Variants in MFHAS1 observed in about 807,000 individuals in gnomAD.
The protein encoded by MFHAS1 is malignant fibrous histiocytoma-amplified sequence 1.
A neutral mutation model predicts 70.4 loss-of-function variants in MFHAS1; 50 were observed. That is an observed-to-expected ratio of 0.71 (90% CI 0.57 to 0.90). The LOEUF (loss-of-function observed/expected upper bound fraction) is 0.90, where lower values mean the gene tolerates loss of function less well. MFHAS1 is among the 40% of genes least tolerant of loss of function. The pLI is 0.00. For synonymous variants in MFHAS1, 952 were observed against 620.0 expected, an observed-to-expected ratio of 1.54 and a Z score of -7.96; for missense variants, 1,795 against 1,347.6, an observed-to-expected ratio of 1.33 and a Z score of -5.20.
rs200845989 is a variant in MFHAS1, at chr8:8,872,025, AAG to A, written c.2998+18034_2998+18035del. Among the ~76,000 whole-genome samples, 1,177 of 152,346 alleles carry A rather than the reference AAG, an allele frequency of 7.7e-3. 20 individuals carry two copies. The highest frequency in any genetic ancestry group is 0.027 in the African/African-American group (1,128 of 41,572). On this transcript the variant is annotated intron_variant, in intron 1 of 2. Transcript: ENST00000276282. ...GAGCTAAATCAAAGGAGGGAGAAGG[AAG>A]GAAGAGGAGGCTAAGGCAAAAAGTT...
At chr8:8,787,182 G>A (rs1805577156) in intron 2 of MFHAS1, among the ~76,000 whole-genome samples, 2 of 151,650 alleles carry the variant, frequency 1.3e-5, no homozygotes, top group Admixed American at 6.6e-5. Flanking sequence ...CTGGGTTCAT[G>A]CCATTCTCCT....
chr8:8,836,102 G>C (rs558055800), intron 1 of MFHAS1, among the ~76,000 whole-genome samples: 1 of 152,328 alleles, frequency 6.6e-6, no homozygotes, highest in East Asian at 1.9e-4. Flanking sequence ...AACCATGCAA[G>C]ACAGAGAGGA....
At chr8:8,846,151 G>A (rs868052538) in intron 1 of MFHAS1, among the ~76,000 whole-genome samples, 19 of 151,060 alleles carry the variant, frequency 1.3e-4, no homozygotes, top group African/African-American at 4.6e-4. Flanking sequence ...TACTCAGGAA[G>A]CTGAGGCAGG....
intron 1 of MFHAS1, among the ~76,000 whole-genome samples, chr8:8,883,209 G>A (rs1015780519): frequency 3.9e-5 from 6 of 152,102 alleles, no homozygotes; most frequent in Non-Finnish European, 7.4e-5. Flanking sequence ...ACTGAGACCT[G>A]AGCCTACCTG....
At chr8:8,808,098 G>A (rs1441852565) in intron 1 of MFHAS1, among the ~76,000 whole-genome samples, 1 of 152,018 alleles carries the variant, frequency 6.6e-6, no homozygotes, top group African/African-American at 2.4e-5. Context: ...GAAATCTCCT[G>A]TGTCCACTGT....
intron 1 of MFHAS1, among the ~76,000 whole-genome samples, chr8:8,800,569 G>C (rs1486035771): frequency 6.6e-6 from 1 of 152,102 alleles, no homozygotes; most frequent in Non-Finnish European, 1.5e-5. Context: ...ACAGGGGCCA[G>C]GACTCCAACG....
intron 1 of MFHAS1, among the ~76,000 whole-genome samples, chr8:8,863,791 G>A (rs1250932531): frequency 6.6e-6 from 1 of 152,180 alleles, no homozygotes; most frequent in East Asian, 1.9e-4. Flanking sequence ...AGTTTCTAAT[G>A]AGCTTAGAAA....
intron 1 of MFHAS1, among the ~76,000 whole-genome samples, chr8:8,884,962 A>C (rs61628023): frequency 0.014 from 2,098 of 145,250 alleles, 23 homozygotes; most frequent in East Asian, 0.028. Context: ...CCACCCCCCC[A>C]AAAAAAAAGT....
chr8:8,890,915 T>TA lies in MFHAS1; in HGVS notation c.2143dup (p.Tyr715LeufsTer3). 6.2e-7 allele frequency: 1 copy of TA among 1,614,102 alleles called. No homozygotes were observed. Among genetic ancestry groups the TA allele is most frequent in the Non-Finnish European group, 8.5e-7 (1 of 1,180,026 alleles). ...CTTGAGAGCCGGACTGTCCTCAAAG[T>TA]AGAGTAGCTTGCCGCTCTCATGCAG... On this transcript the variant is annotated frameshift_variant, in exon 1 of 3. Coordinates refer to ENST00000276282, the MANE Select transcript of MFHAS1 (RefSeq NM_004225.3). LOFTEE classifies it high-confidence loss of function.
intron 2 of MFHAS1, among the ~76,000 whole-genome samples, chr8:8,793,080 T>C (rs1805773440): frequency 6.6e-6 from 1 of 152,120 alleles, no homozygotes; most frequent in South Asian, 2.1e-4. Flanking sequence ...AGGCATTTCA[T>C]CCTGTTCCTG....
At chr8:8,855,847 C>T (rs1038497093) in intron 1 of MFHAS1, among the ~76,000 whole-genome samples, 1 of 152,058 alleles carries the variant, frequency 6.6e-6, no homozygotes, top group Non-Finnish European at 1.5e-5. Flanking sequence ...CAGAGTGAGA[C>T]GCCGTCTCAA....
intron 1 of MFHAS1, among the ~76,000 whole-genome samples, chr8:8,865,140 G>A (rs1413178773): frequency 2.0e-5 from 3 of 151,854 alleles, no homozygotes; most frequent in Admixed American, 6.6e-5. Context: ...AGCTGGGCAC[G>A]GTGGCATGCA....
chr8:8,842,389 T>G (rs182621770), intron 1 of MFHAS1, among the ~76,000 whole-genome samples: 40 of 152,216 alleles, frequency 2.6e-4, no homozygotes, highest in African/African-American at 9.1e-4. Context: ...TTTCACCACG[T>G]TCACCAGGCT....
At chr8:8,851,331 T>G (rs958688470) in intron 1 of MFHAS1, among the ~76,000 whole-genome samples, 7 of 152,184 alleles carry the variant, frequency 4.6e-5, no homozygotes, top group Non-Finnish European at 1.0e-4. Context: ...TTTCTGCCAT[T>G]TCAATGAGTC....
At position 8,784,323 on chromosome 8, in the gene MFHAS1, A is replaced by T. The variant is rs1267987052; in HGVS notation, c.*1699T>A. The T allele has an allele frequency of 6.6e-6, 1 of 152,160 alleles. No homozygotes were observed. The highest frequency in any genetic ancestry group is 1.5e-5 in the Non-Finnish European group (1 of 68,042). 9.4% of individuals were successfully genotyped at this position (152,160 alleles called of 1,614,324 possible). On this transcript the variant is annotated 3_prime_UTR_variant, in exon 3 of 3. Transcript: ENST00000276282. ...ACGGAGACGCGCACACACACACGAG[A>T]ACTGTGACAAAAGGATTCACCAGAT...
chr8:8,831,134 G>C (rs977580580), intron 1 of MFHAS1, among the ~76,000 whole-genome samples: 2 of 151,924 alleles, frequency 1.3e-5, no homozygotes, highest in Non-Finnish European at 2.9e-5. Flanking sequence ...ATGGCAGAGA[G>C]AGACACAGTG....
chr8:8,827,480 C>A (rs1807206232), intron 1 of MFHAS1, among the ~76,000 whole-genome samples: 1 of 152,220 alleles, frequency 6.6e-6, no homozygotes, highest in African/African-American at 2.4e-5. Context: ...AATGAGACCT[C>A]TTTATTTTCC....
chr8:8,844,156 TG>T (rs1807942626), intron 1 of MFHAS1, among the ~76,000 whole-genome samples: 4 of 152,174 alleles, frequency 2.6e-5, no homozygotes, highest in Admixed American at 2.6e-4. Flanking sequence ...AAGAGAACTG[TG>T]GGCAGTTTCT....
chr8:8,793,510 A>G (rs1805788650), intron 2 of MFHAS1, among the ~76,000 whole-genome samples: 1 of 152,196 alleles, frequency 6.6e-6, no homozygotes, highest in Non-Finnish European at 1.5e-5. Context: ...CACCTAGGGT[A>G]ATTATTCTGG....
Sources: allele counts gnomAD v4.1 joint callset (sites outside exome capture counted in the v4.1 genomes callset), GRCh38; gene constraint gnomAD v4.1.1; transcripts MANE v1.5; gene names NCBI Gene and HGNC (gene_info 2026-07-23, HGNC 2026-07-21).